The following SUCLG2 variants were observed in gnomAD, a reference collection of about 807,000 sequenced individuals.
SUCLG2 encodes the protein succinate-CoA ligase GDP-forming subunit beta.
A neutral mutation model predicts 47.9 loss-of-function variants in SUCLG2; 42 were observed. The observed-to-expected ratio is 0.88, with a 90% CI of 0.69 to 1.14. The LOEUF (loss-of-function observed/expected upper bound fraction) is 1.14. Among genes scored for constraint, SUCLG2 ranks in the 50% most tolerant of loss-of-function variants. The pLI is 0.00. For missense variants in SUCLG2, 571 were observed against 525.9 expected (o/e 1.09, Z -0.84); for synonymous variants, 195 against 197.3 (o/e 0.99, Z 0.10).
chr3:67,450,657 C>T (rs1289083371), intron 9 of SUCLG2, among the ~76,000 whole-genome samples: 2 of 152,164 alleles, frequency 1.3e-5, no homozygotes, highest in South Asian at 2.1e-4. Context: ...ATGGAGAAAT[C>T]AAGGCTATTT....
intron 4 of SUCLG2, among the ~76,000 whole-genome samples, chr3:67,521,392 T>C (rs1195991701): frequency 2.0e-5 from 3 of 152,098 alleles, no homozygotes; most frequent in Non-Finnish European, 4.4e-5. Flanking sequence ...TGGAAGAATG[T>C]CATTCAATTC....
chr3:67,538,291 T>C (rs1385406069), intron 2 of SUCLG2, among the ~76,000 whole-genome samples: 1 of 152,238 alleles, frequency 6.6e-6, no homozygotes, highest in African/African-American at 2.4e-5. Context: ...TGCATATGGC[T>C]TACCAATTTT....
chr3:67,509,861 T>C (rs1278937822), intron 6 of SUCLG2, among the ~76,000 whole-genome samples: 1 of 152,182 alleles, frequency 6.6e-6, no homozygotes, highest in African/African-American at 2.4e-5. Flanking sequence ...CTCTACTCTG[T>C]ATATCAGAGA....
At chr3:67,468,135 C>A (rs543970194) in intron 9 of SUCLG2, among the ~76,000 whole-genome samples, 2 of 152,208 alleles carry the variant, frequency 1.3e-5, no homozygotes, top group African/African-American at 4.8e-5. Context: ...GCAAAAAAAT[C>A]GAACTCACTC....
intron 2 of SUCLG2, among the ~76,000 whole-genome samples, chr3:67,579,437 C>T (rs1321942979): frequency 6.6e-6 from 1 of 152,162 alleles, no homozygotes; most frequent in Non-Finnish European, 1.5e-5. Flanking sequence ...AACACCCTGC[C>T]CTTCAGAACT....
intron 10 of SUCLG2, among the ~76,000 whole-genome samples, chr3:67,369,566 G>A: frequency 6.6e-6 from 1 of 152,216 alleles, no homozygotes; most frequent in Non-Finnish European, 1.5e-5. Context: ...GTTGTGTGTA[G>A]CGGGGAGGAA....
chr3:67,409,037 G>C, intron 9 of SUCLG2: 1 of 1,535,114 alleles, frequency 6.5e-7, no homozygotes. Flanking sequence ...TTTTGCTGCT[G>C]AATTAAAATC....
chr3:67,592,743 A>AAAAAAAAAAAAAAAAAAAAAAAAAC (rs1559587055), intron 2 of SUCLG2, among the ~76,000 whole-genome samples: 3 of 148,478 alleles, frequency 2.0e-5, no homozygotes, highest in African/African-American at 7.7e-5. Context: ...AAAACAACAA[A>AAAAAAAAAAAAAAAAAAAAAAAAAC]AAAAAACTGA....
chr3:67,454,367 CTTT>C (rs554330530), intron 9 of SUCLG2, among the ~76,000 whole-genome samples: 7 of 150,616 alleles, frequency 4.6e-5, no homozygotes, highest in Admixed American at 3.3e-4. Flanking sequence ...CAAGGCAATA[CTTT>C]TTTACCTTTC....
chr3:67,457,170 T>C (rs1704206885), intron 9 of SUCLG2, among the ~76,000 whole-genome samples: 1 of 152,148 alleles, frequency 6.6e-6, no homozygotes, highest in African/African-American at 2.4e-5. Flanking sequence ...CAATCTCCAT[T>C]TTTGGGTGCT....
intron 10 of SUCLG2, among the ~76,000 whole-genome samples, chr3:67,388,946 T>C (rs1702316337): frequency 1.3e-5 from 2 of 152,038 alleles, no homozygotes; most frequent in South Asian, 2.1e-4. Context: ...TAAGTCATCA[T>C]CCATACCTGA....
intron 9 of SUCLG2, among the ~76,000 whole-genome samples, chr3:67,437,490 C>G (rs748814349): frequency 2.0e-4 from 31 of 152,152 alleles, no homozygotes; most frequent in Non-Finnish European, 3.8e-4. Context: ...GGATACATCC[C>G]ACTTGGTAAT....
intron 1 of SUCLG2, among the ~76,000 whole-genome samples, chr3:67,630,848 G>A (rs1358337101): frequency 2.6e-5 from 4 of 152,162 alleles, no homozygotes; most frequent in East Asian, 3.8e-4. Context: ...ACTAACATAC[G>A]ATACAAAGCC....
At chr3:67,535,387 G>A (rs1706512315) in intron 2 of SUCLG2, among the ~76,000 whole-genome samples, 1 of 151,982 alleles carries the variant, frequency 6.6e-6, no homozygotes, top group African/African-American at 2.4e-5. Flanking sequence ...TCCAGATGGA[G>A]AAGTGGATGG....
intron 9 of SUCLG2, among the ~76,000 whole-genome samples, chr3:67,463,915 AG>A (rs1704401375): frequency 6.6e-6 from 1 of 152,268 alleles, no homozygotes; most frequent in Admixed American, 6.5e-5. Flanking sequence ...AATAATCTCA[AG>A]GAGGTATGAA....
At chr3:67,540,496 G>T (rs941151193) in intron 2 of SUCLG2, among the ~76,000 whole-genome samples, 1 of 152,160 alleles carries the variant, frequency 6.6e-6, no homozygotes, top group Non-Finnish European at 1.5e-5. Context: ...TGCCTGTCTA[G>T]ATTCCTCCTC....
intron 9 of SUCLG2, among the ~76,000 whole-genome samples, chr3:67,402,888 T>C (rs541070921): frequency 6.6e-6 from 1 of 152,350 alleles, no homozygotes; most frequent in Non-Finnish European, 1.5e-5. Flanking sequence ...GAGTATAGTT[T>C]ACATCATAAT....
At chr3:67,606,835 T>G (rs574332015) in intron 2 of SUCLG2, among the ~76,000 whole-genome samples, 1 of 152,350 alleles carries the variant, frequency 6.6e-6, no homozygotes, top group East Asian at 1.9e-4. Context: ...TGCACAGCTG[T>G]GTCCACAGTG....
intron 1 of SUCLG2, among the ~76,000 whole-genome samples, chr3:67,625,013 C>G (rs1384331842): frequency 2.0e-5 from 3 of 152,182 alleles, no homozygotes; most frequent in Non-Finnish European, 4.4e-5. Context: ...ATACTATACC[C>G]TCTTAAAATC....
Sources: allele counts gnomAD v4.1 joint callset (sites outside exome capture counted in the v4.1 genomes callset), GRCh38; gene constraint gnomAD v4.1.1; transcripts MANE v1.5; gene names NCBI Gene and HGNC (gene_info 2026-07-23, HGNC 2026-07-21).